The following DMAC2L variants were observed in gnomAD, a reference collection of about 807,000 sequenced individuals.
DMAC2L encodes ATP synthase subunit s, mitochondrial.
A neutral mutation model predicts 22.5 loss-of-function variants in DMAC2L; 21 were observed. The ratio of observed to expected loss-of-function variants is 0.93; its 90% confidence interval spans 0.66 to 1.34. The LOEUF is 1.34. DMAC2L is among the 40% of genes most tolerant of loss of function. DMAC2L has a pLI of 0.00. For missense variants in DMAC2L, 239 were observed against 246.5 expected, an observed-to-expected ratio of 0.97 and a Z score of 0.20; for synonymous variants, 86 against 89.5, an observed-to-expected ratio of 0.96 and a Z score of 0.22.
At chr14:50,313,032 G>A in intron 1 of DMAC2L, 5 of 1,613,964 alleles carry the variant, frequency 3.1e-6, no homozygotes, top group Non-Finnish European at 4.2e-6. Context: ...TGTGCTGTGC[G>A]GTCTCTGAGC....
At chr14:50,315,942 T>C (rs1160562388) in intron 2 of DMAC2L, among the ~76,000 whole-genome samples, 1 of 152,218 alleles carries the variant, frequency 6.6e-6, no homozygotes, top group Non-Finnish European at 1.5e-5. Context: ...AATTGCTCGA[T>C]CAAATGGTAG....
At chr14:50,312,197 A>C (rs202145436), upstream of DMAC2L, 34 of 1,602,352 alleles carry the variant, frequency 2.1e-5, no homozygotes, top group African/African-American at 3.7e-4. Context: ...AAGCCACTTG[A>C]CCCTCCACGG....
Position 50,324,240 on chromosome 14 carries a change from T to C in DMAC2L, c.488+124T>C, listed in dbSNP as rs1595219192. 3 of 996,196 alleles carry C rather than the reference T, an allele frequency of 3.0e-6. No homozygotes were observed. In the South Asian group the frequency reaches 5.7e-5, roughly 19 times the overall value. The allele number at this position is 996,196 out of a possible 1,614,324, so 61.7% of individuals were successfully genotyped here. A position where few individuals can be genotyped will look rare whatever the true frequency, so the allele number is the denominator to read the frequency against. ...AAAAAGATAATTTTAAAAAATGACC[T>C]CACTTTCATCTGTAATATTTTAAAA... On this transcript the variant is annotated intron_variant, in intron 5 of 5. Transcript: ENST00000557421.
chr14:50,312,679 C>G (rs2031350268), intron 1 of DMAC2L: 1 of 336,470 alleles, frequency 3.0e-6, no homozygotes, highest in East Asian at 6.4e-5. Flanking sequence ...GCCCCGCACG[C>G]GGCCCGCGGT....
chr14:50,320,168 A>G (rs918679610), intron 2 of DMAC2L, among the ~76,000 whole-genome samples: 3 of 152,192 alleles, frequency 2.0e-5, no homozygotes, highest in Non-Finnish European at 2.9e-5. Flanking sequence ...ATCTCAGCTT[A>G]CTGCAATCTC....
chr14:50,315,687 A>AT (rs1295242504), intron 2 of DMAC2L, among the ~76,000 whole-genome samples: 1 of 131,572 alleles, frequency 7.6e-6, no homozygotes, highest in East Asian at 2.3e-4. Flanking sequence ...AAAAAAAAAA[A>AT]AAGAGTAATA....
chr14:50,326,220 CTG>C lies in DMAC2L; in HGVS notation c.*499_*500del. The C allele has an allele frequency of 3.4e-6, 1 of 293,374 alleles. No homozygotes were observed. Among genetic ancestry groups the C allele is most frequent in the Middle Eastern group, 1.9e-3 (1 of 520 alleles). The allele number at this position is 293,374 out of a possible 1,614,324, so 18.2% of individuals were successfully genotyped here. On this transcript the variant is annotated 3_prime_UTR_variant, in exon 6 of 6. Coordinates refer to ENST00000557421, the MANE Select transcript of DMAC2L (RefSeq NM_001382507.1). ...CTCCAGCCTGGGTGACAGAGCGAGACTGTCTCAAAAAAAAAAAAAAAAGAAAA... is the reference window on the plus strand; with the variant it reads ...CTCCAGCCTGGGTGACAGAGCGAGACTCTCAAAAAAAAAAAAAAAAGAAAA...
chr14:50,321,384 A>G (rs1017443853), intron 2 of DMAC2L, 99 bp from the exon 3 acceptor site: 5 of 1,444,274 alleles, frequency 3.5e-6, no homozygotes, highest in African/African-American at 2.9e-5. Context: ...CAAGTGAGTC[A>G]TCAGCTTTAT....
intron 3 of DMAC2L, 137 bp from the exon 4 acceptor site, chr14:50,322,374 G>T: frequency 1.2e-6 from 1 of 862,726 alleles, no homozygotes. Context: ...TTTTTGCATG[G>T]ATCTCACTAA....
At chr14:50,317,579 G>C (rs112264834) in intron 2 of DMAC2L, among the ~76,000 whole-genome samples, 3,073 of 152,150 alleles carry the variant, frequency 0.02, 108 homozygotes, top group East Asian at 0.15. Context: ...GACCAGCCTG[G>C]CCAACATGGT....
chr14:50,319,964 T>C (rs2032128270), intron 2 of DMAC2L, among the ~76,000 whole-genome samples: 1 of 152,238 alleles, frequency 6.6e-6, no homozygotes, highest in African/African-American at 2.4e-5. Flanking sequence ...CTAGGCCCTT[T>C]CGTATGGCCT....
intron 5 of DMAC2L, among the ~76,000 whole-genome samples, chr14:50,324,995 C>T (rs1214374147): frequency 2.0e-5 from 3 of 152,080 alleles, no homozygotes; most frequent in Middle Eastern, 3.2e-3. Context: ...AAGCTGGTCT[C>T]GAACTCCTGA....
intron 3 of DMAC2L, among the ~76,000 whole-genome samples, chr14:50,322,183 C>G (rs559813656): frequency 6.6e-6 from 1 of 152,144 alleles, no homozygotes; most frequent in Non-Finnish European, 1.5e-5. Context: ...TATAGTCATT[C>G]GTAGAATAGT....
At chr14:50,321,668 C>T in intron 3 of DMAC2L, 74 bp downstream of exon 3, 1 of 1,112,324 alleles carries the variant, frequency 9.0e-7, no homozygotes. Context: ...GCTTGTTTGG[C>T]TATTTCTCAT....
upstream of DMAC2L, chr14:50,312,262 G>C (rs964990389): frequency 1.9e-5 from 28 of 1,481,070 alleles, no homozygotes; most frequent in Non-Finnish European, 2.5e-5. Flanking sequence ...ATGAAGTGGC[G>C]CGCCTTCGCC....
rs1382133686 is a variant in DMAC2L at position 50,326,771 on chromosome 14, T to C, written c.*1048T>C. The C allele has an allele frequency of 1.0e-6, 1 of 984,986 alleles. No homozygotes were observed. Among genetic ancestry groups the C allele is most frequent in the Non-Finnish European group, 1.2e-6 (1 of 829,672 alleles). The allele number at this position is 984,986 out of a possible 1,614,324, so 61.0% of individuals were successfully genotyped here. A position where few individuals can be genotyped will look rare whatever the true frequency, so the allele number is the denominator to read the frequency against. On this transcript the variant is annotated 3_prime_UTR_variant, in exon 6 of 6. Coordinates refer to ENST00000557421, the MANE Select transcript of DMAC2L (RefSeq NM_001382507.1). The stretch of plus-strand genomic sequence containing the variant: ...TAACATTGCTTTAGGCTGGGTGCCG[T>C]GGCTCGTGCCTGTAATCCCAGTGCT...
At chr14:50,317,497 C>T (rs2031904807) in intron 2 of DMAC2L, among the ~76,000 whole-genome samples, 2 of 152,008 alleles carry the variant, frequency 1.3e-5, no homozygotes, top group East Asian at 1.9e-4. Context: ...GGCTGGGTGC[C>T]GTGGCTTATG....
In DMAC2L at chr14:50,325,650, G is replaced by A. The variant is rs2032665746; in HGVS notation, c.530G>A (p.Arg177Lys). ...TTGTTAAGTGATCTTCCTGGAGTAAGAGAAAAAGAAAATCTTGTCCAAGCC... is the reference window on the plus strand; with the variant it reads ...TTGTTAAGTGATCTTCCTGGAGTAAAAGAAAAAGAAAATCTTGTCCAAGCC... ...YLLLSDLPGV[R>K]EKENLVQAFK... The change falls in exon 6 of 6, where the codon AGA (arginine) becomes AAA (lysine). Residue 177 changes from arginine to lysine, a missense_variant. Arg to Lys is a conservative substitution (Grantham distance 26, BLOSUM62 2). Coordinates refer to ENST00000557421, the MANE Select transcript of DMAC2L (RefSeq NM_001382507.1). The A allele has an allele frequency of 1.2e-6, 2 of 1,612,708 alleles. No homozygotes were observed. Among genetic ancestry groups the A allele is most frequent in the Admixed American group, 1.7e-5 (1 of 59,840 alleles).
At chr14:50,312,073 C>A (rs778118435), upstream of DMAC2L, 5 of 1,601,550 alleles carry the variant, frequency 3.1e-6, no homozygotes, top group African/African-American at 6.7e-5. Flanking sequence ...CGAACCCGCA[C>A]GCCCCAGGGG....
Sources: allele counts gnomAD v4.1 joint callset (sites outside exome capture counted in the v4.1 genomes callset), GRCh38; gene constraint gnomAD v4.1.1; transcripts MANE v1.5; gene names NCBI Gene and HGNC (gene_info 2026-07-23, HGNC 2026-07-21).